Variants in VSTM2B observed in about 807,000 individuals in gnomAD.
VSTM2B encodes the protein V-set and transmembrane domain containing 2B, also known as V-set and transmembrane domain-containing protein 2B.
Under a neutral mutation model 24.0 loss-of-function variants are expected in VSTM2B, and 24 were observed. That is an observed-to-expected ratio of 1.00 (90% CI 0.72 to 1.40). The LOEUF (loss-of-function observed/expected upper bound fraction) is 1.40, where lower values mean the gene tolerates loss of function less well. Among genes scored for constraint, VSTM2B ranks in the 40% most tolerant of loss-of-function variants. The probability of loss-of-function intolerance (pLI) is 0.00; values close to 1 mark genes in which losing one functional copy is unlikely to be tolerated. For synonymous variants in VSTM2B, 226 were observed against 194.4 expected (o/e 1.16, Z -1.35); for missense variants, 399 against 416.4 (o/e 0.96, Z 0.36).
At chr19:29,539,684 C>A (rs1236646752) in intron 4 of VSTM2B, among the ~76,000 whole-genome samples, 2 of 152,270 alleles carry the variant, frequency 1.3e-5, no homozygotes, top group African/African-American at 2.4e-5. Context: ...TCCACCCCAG[C>A]TTCCCTTTCC....
At chr19:29,557,015 A>C (rs1420957125) in intron 4 of VSTM2B, among the ~76,000 whole-genome samples, 1 of 152,182 alleles carries the variant, frequency 6.6e-6, no homozygotes, top group East Asian at 1.9e-4. Context: ...CATGCTTCAC[A>C]GAATCATAAA....
intron 4 of VSTM2B, among the ~76,000 whole-genome samples, chr19:29,542,578 G>T (rs1175383589): frequency 6.6e-6 from 1 of 152,048 alleles, no homozygotes; most frequent in Non-Finnish European, 1.5e-5. Flanking sequence ...GTGAATGGAT[G>T]GGAGAATGAA....
rs1002668918 is a variant in VSTM2B at position 29,529,072 on chromosome 19, G to A, written c.297+610G>A. 5 of 985,340 alleles carry A rather than the reference G, an allele frequency of 5.1e-6. No homozygotes were observed. In the African/African-American group the frequency reaches 8.7e-5, roughly 17 times the overall value. 61.0% of individuals were successfully genotyped at this position (985,340 alleles called of 1,614,324 possible). A position where few individuals can be genotyped will look rare whatever the true frequency, so the allele number is the denominator to read the frequency against. ...CGTAGAAAGGCCTGGAGATGACGAA[G>A]CCTCCTCGTGGGCTCGGTTCAGAGG... is the stretch of plus-strand genomic sequence containing the variant. On this transcript the variant is annotated intron_variant, in intron 3 of 4. Coordinates refer to ENST00000335523, the MANE Select transcript of VSTM2B (RefSeq NM_001146339.2).
intron 4 of VSTM2B, among the ~76,000 whole-genome samples, chr19:29,540,868 A>T (rs1436914602): frequency 3.3e-5 from 5 of 152,190 alleles, no homozygotes; most frequent in Admixed American, 1.3e-4. Flanking sequence ...TATGGGAGCT[A>T]AAATAGGGAG....
chr19:29,525,546 T>C (rs1969536423), upstream of VSTM2B: 1 of 152,264 alleles, frequency 6.6e-6, no homozygotes, highest in Admixed American at 6.5e-5. Context: ...CCACCCAGCG[T>C]AGTCTCCGGC....
intron 4 of VSTM2B, among the ~76,000 whole-genome samples, chr19:29,540,399 A>C (rs1331282200): frequency 6.6e-6 from 1 of 152,210 alleles, no homozygotes; most frequent in Non-Finnish European, 1.5e-5. Flanking sequence ...AGAACTCAGA[A>C]AGGTGGGGCC....
At chr19:29,559,646 A>C (rs915779681) in intron 4 of VSTM2B, among the ~76,000 whole-genome samples, 5 of 152,208 alleles carry the variant, frequency 3.3e-5, no homozygotes, top group Non-Finnish European at 7.4e-5. Context: ...TTGAAGAGAT[A>C]GTTTGCCTTG....
chr19:29,561,348 G>A (rs890714763), intron 4 of VSTM2B, among the ~76,000 whole-genome samples: 2 of 151,940 alleles, frequency 1.3e-5, no homozygotes, highest in Non-Finnish European at 2.9e-5. Flanking sequence ...AAAAGGCCAG[G>A]CGTGGTGACT....
At chr19:29,563,126 G>T (rs1194650393) in intron 4 of VSTM2B, among the ~76,000 whole-genome samples, 1 of 152,162 alleles carries the variant, frequency 6.6e-6, no homozygotes. Context: ...AGGGGATGCC[G>T]GGATGCACAA....
At chr19:29,563,774 C>G in intron 4 of VSTM2B, 72 bp from the exon 5 acceptor site, 1 of 1,390,212 alleles carries the variant, frequency 7.2e-7, no homozygotes, top group Non-Finnish European at 1.0e-6. Flanking sequence ...CCTCACTGTT[C>G]CTGGTCTGCT....
chr19:29,527,863 A>G (rs1969626688), intron 2 of VSTM2B, among the ~76,000 whole-genome samples: 1 of 152,098 alleles, frequency 6.6e-6, no homozygotes, highest in South Asian at 2.1e-4. Flanking sequence ...CAGAGGGGCC[A>G]CTTCTCTGTG....
chr19:29,529,852 C>A lies in VSTM2B; in HGVS notation c.331C>A (p.Arg111=). Residue 111 remains arginine, a synonymous_variant, in exon 4 of 5, where the codon CGG becomes AGG. Transcript: ENST00000335523. The stretch of plus-strand genomic sequence containing the variant: ...CGTCCAGGGCAATGACATCTCACAC[C>A]GGCTTCGGCTGTCTGCCGTGCGGCT... ...VRVQGNDISH[R]LRLSAVRLQD... The A allele has an allele frequency of 6.5e-7, 1 of 1,549,994 alleles. No individual in the cohort carries two copies. The highest frequency in any genetic ancestry group is 8.7e-7 in the Non-Finnish European group (1 of 1,146,684).
At chr19:29,547,839 G>T (rs1043485298) in intron 4 of VSTM2B, among the ~76,000 whole-genome samples, 14 of 152,138 alleles carry the variant, frequency 9.2e-5, no homozygotes, top group African/African-American at 3.1e-4. Context: ...GGATATGCCT[G>T]TAGGGAACCA....
chr19:29,557,592 A>G (rs913765107), intron 4 of VSTM2B, among the ~76,000 whole-genome samples: 1 of 151,956 alleles, frequency 6.6e-6, no homozygotes, highest in Admixed American at 6.6e-5. Context: ...CCAGCTACTC[A>G]GGGCGCTGAG....
chr19:29,558,106 T>C (rs1970452647), intron 4 of VSTM2B, among the ~76,000 whole-genome samples: 1 of 151,952 alleles, frequency 6.6e-6, no homozygotes, highest in South Asian at 2.1e-4. Flanking sequence ...TGTATATATA[T>C]ATAAAGCTCA....
chr19:29,547,405 G>A (rs1269127103), intron 4 of VSTM2B, among the ~76,000 whole-genome samples: 2 of 152,214 alleles, frequency 1.3e-5, no homozygotes, highest in Non-Finnish European at 2.9e-5. Context: ...ACTTGCTGCA[G>A]TACCTGGCCC....
At chr19:29,534,745 A>G (rs1599880842) in intron 4 of VSTM2B, among the ~76,000 whole-genome samples, 1 of 151,950 alleles carries the variant, frequency 6.6e-6, no homozygotes, top group Non-Finnish European at 1.5e-5. Flanking sequence ...AAAGAAAGAA[A>G]AGAAAAGAAA....
intron 4 of VSTM2B, among the ~76,000 whole-genome samples, chr19:29,542,338 G>T (rs1392309890): frequency 6.6e-6 from 1 of 151,894 alleles, no homozygotes; most frequent in Non-Finnish European, 1.5e-5. Context: ...TGGGTGGATG[G>T]ATGGGAGAAC....
intron 4 of VSTM2B, among the ~76,000 whole-genome samples, chr19:29,559,997 T>C (rs1006406472): frequency 1.3e-5 from 2 of 152,162 alleles, no homozygotes; most frequent in East Asian, 1.9e-4. Context: ...GCTAATTCAA[T>C]TGAGGCCATG....
Sources: gnomAD v4.1 joint callset for allele counts (sites outside exome capture counted in the v4.1 genomes callset) on GRCh38, gnomAD v4.1.1 for gene constraint, MANE v1.5 for transcripts, NCBI Gene and HGNC (gene_info 2026-07-23, HGNC 2026-07-21) for gene names.